Variants in MYO1B observed in about 807,000 individuals in gnomAD.
The protein encoded by MYO1B is unconventional myosin-Ib.
In MYO1B, 72 loss-of-function variants were observed where a neutral mutation model predicts 159.7. The ratio of observed to expected loss-of-function variants is 0.45; its 90% CI spans 0.37 to 0.55. MYO1B has a LOEUF of 0.55. Ranked by LOEUF, MYO1B falls within the 20% of genes least tolerant of loss-of-function variation. MYO1B has a pLI of 0.00. For missense variants in MYO1B, 1,062 were observed against 1,364.8 expected (o/e 0.78, Z 3.50); for synonymous variants, 468 against 473.8 (o/e 0.99, Z 0.16).
At chr2:191,416,756 A>G (rs914384120) in intron 30 of MYO1B, among the ~76,000 whole-genome samples, 2 of 151,866 alleles carry the variant, frequency 1.3e-5, no homozygotes, top group East Asian at 1.9e-4. Context: ...GGAGATTGCA[A>G]TGAGCCGAGA....
At chr2:191,364,991 AC>A (rs1317688381) in intron 11 of MYO1B, among the ~76,000 whole-genome samples, 1 of 150,608 alleles carries the variant, frequency 6.6e-6, no homozygotes, top group Non-Finnish European at 1.5e-5. Flanking sequence ...TACTTCTTGA[AC>A]CCCCTCTACC....
chr2:191,272,109 T>A (rs1017818371), intron 1 of MYO1B, among the ~76,000 whole-genome samples: 3 of 152,230 alleles, frequency 2.0e-5, no homozygotes, highest in Non-Finnish European at 4.4e-5. Flanking sequence ...AATTAGTGTA[T>A]GTTGAAATAC....
chr2:191,388,786 A>G (rs946854651), intron 17 of MYO1B, among the ~76,000 whole-genome samples: 5 of 151,542 alleles, frequency 3.3e-5, no homozygotes, highest in African/African-American at 1.2e-4. Context: ...GAACAGTTCA[A>G]TTTTTTTTTA....
intron 21 of MYO1B, among the ~76,000 whole-genome samples, chr2:191,397,805 T>G (rs56036569): frequency 7.2e-6 from 1 of 139,788 alleles, no homozygotes; most frequent in Admixed American, 7.0e-5. Context: ...GGATGGGGCG[T>G]CTGGCCGGGC....
At chr2:191,346,375 C>A in intron 6 of MYO1B, 93 bp downstream of exon 6, 2 of 784,876 alleles carry the variant, frequency 2.5e-6, no homozygotes, top group South Asian at 2.8e-5. Context: ...TTAATACACA[C>A]ATTTTTAAAA....
intron 3 of MYO1B, among the ~76,000 whole-genome samples, chr2:191,304,176 G>A (rs573574477): frequency 4.7e-4 from 71 of 152,264 alleles, no homozygotes; most frequent in Admixed American, 1.6e-3. Flanking sequence ...TCTGGGCGTC[G>A]CACCTAATTA....
rs981433784 is a variant in MYO1B at position 191,422,377 on chromosome 2, C to T, written c.3288-1460C>T. The stretch of plus-strand genomic sequence containing the variant: ...TCATCATATACAGTTGGGGGTTCCT[C>T]GCAGCACCAGCACAGGGATGGTGTG... On this transcript the variant is annotated intron_variant, in intron 30 of 30. Transcript: ENST00000392318. Among the ~76,000 whole-genome samples the T allele has an allele frequency of 3.3e-5, 5 of 152,094 alleles. 1 individual carries two copies. The highest frequency in any genetic ancestry group is 3.9e-4 in the East Asian group (2 of 5,186).
At chr2:191,422,933 T>C (rs146948194) in intron 30 of MYO1B, among the ~76,000 whole-genome samples, 10 of 152,256 alleles carry the variant, frequency 6.6e-5, no homozygotes, top group Non-Finnish European at 1.5e-4. Flanking sequence ...TAGAATATGA[T>C]GAGTTAATGA....
chr2:191,271,243 G>T (rs543904369), intron 1 of MYO1B, among the ~76,000 whole-genome samples: 3 of 152,348 alleles, frequency 2.0e-5, no homozygotes, highest in Admixed American at 2.0e-4. Context: ...TGTCTCTGGT[G>T]TATATTGCTA....
At chr2:191,379,195 G>A (rs1390888911) in intron 13 of MYO1B, 2 of 152,638 alleles carry the variant, frequency 1.3e-5, no homozygotes, top group Non-Finnish European at 2.9e-5. Context: ...ATCAATACAT[G>A]CTCACTTTTA....
chr2:191,323,208 TG>T lies in MYO1B; in HGVS notation c.252-6725del, dbSNP rs573667189. ...GTCTCTTTCATTGCCATCTTGGTTT[TG>T]GTGAGTTTTGGCTGGCTTTTTTTTA... On this transcript the variant is annotated intron_variant, in intron 3 of 30. Coordinates refer to ENST00000392318, the MANE Select transcript of MYO1B (RefSeq NM_001130158.3). 9.9e-5 allele frequency among the ~76,000 whole-genome samples: 15 copies of T among 152,274 alleles called. No homozygotes were observed. The East Asian group carries it at 2.7e-3, about 27-fold the overall frequency.
intron 1 of MYO1B, among the ~76,000 whole-genome samples, chr2:191,259,353 A>G (rs1686657680): frequency 6.6e-6 from 1 of 152,230 alleles, no homozygotes; most frequent in South Asian, 2.1e-4. Flanking sequence ...AATGGAGTTT[A>G]AAAAGATGTT....
chr2:191,421,527 C>T (rs1001969170), intron 30 of MYO1B, among the ~76,000 whole-genome samples: 13 of 151,824 alleles, frequency 8.6e-5, no homozygotes, highest in African/African-American at 2.2e-4. Context: ...GGTCAGAGTC[C>T]GGTGGTGTGA....
At position 191,284,271 on chromosome 2, in the gene MYO1B, A is replaced by G. The variant is rs144212709; in HGVS notation, c.135+7241A>G. On this transcript the variant is annotated intron_variant, in intron 2 of 30. Coordinates refer to ENST00000392318, the MANE Select transcript of MYO1B (RefSeq NM_001130158.3). ...ATGCATCTGTGTCTGTTGTATATCC[A>G]TAGTGCAGAAAAATTTTAATAATCC... Among the ~76,000 whole-genome samples the G allele has an allele frequency of 2.5e-4, 38 of 152,358 alleles. No individual in the cohort carries two copies. In the East Asian group the frequency reaches 7.3e-3, roughly 29 times the overall value.
At chr2:191,422,577 G>T (rs887967863) in intron 30 of MYO1B, among the ~76,000 whole-genome samples, 1 of 151,908 alleles carries the variant, frequency 6.6e-6, no homozygotes, top group Non-Finnish European at 1.5e-5. Context: ...TATTTTAATG[G>T]GTATTAAAGA....
intron 1 of MYO1B, among the ~76,000 whole-genome samples, chr2:191,248,688 T>G (rs1202157000): frequency 6.6e-6 from 1 of 152,206 alleles, no homozygotes; most frequent in Non-Finnish European, 1.5e-5. Flanking sequence ...AATCCTAAGT[T>G]GAACCATTGT....
intron 1 of MYO1B, among the ~76,000 whole-genome samples, chr2:191,251,046 G>T (rs967020037): frequency 1.3e-5 from 2 of 152,168 alleles, no homozygotes; most frequent in Non-Finnish European, 2.9e-5. Flanking sequence ...TGGTTGAACT[G>T]CTTCTCAGTT....
intron 5 of MYO1B, among the ~76,000 whole-genome samples, chr2:191,344,046 CTGA>C (rs1692399852): frequency 6.6e-6 from 1 of 152,174 alleles, no homozygotes; most frequent in Non-Finnish European, 1.5e-5. Context: ...AAATAGCACC[CTGA>C]ATAAAGTTTC....
At chr2:191,404,076 A>T in intron 24 of MYO1B, among the ~76,000 whole-genome samples, 1 of 152,226 alleles carries the variant, frequency 6.6e-6, no homozygotes, top group East Asian at 1.9e-4. Flanking sequence ...ATGAAATAAG[A>T]TCAAACTTAC....
Sources: allele counts gnomAD v4.1 joint callset (sites outside exome capture counted in the v4.1 genomes callset), GRCh38; gene constraint gnomAD v4.1.1; transcripts MANE v1.5; gene names NCBI Gene and HGNC (gene_info 2026-07-23, HGNC 2026-07-21).